The following ADCY2 variants were observed in gnomAD, a reference collection of about 807,000 sequenced individuals.
ADCY2 encodes adenylate cyclase 2.
ADCY2 carries 31 observed loss-of-function variants against 125.2 expected under a neutral mutation model. That is an observed-to-expected ratio of 0.25 (90% CI 0.19 to 0.33). The LOEUF is 0.33. ADCY2 is among the 10% of genes least tolerant of loss of function. The probability of loss-of-function intolerance (pLI) is 1.00; values close to 1 mark genes in which losing one functional copy is unlikely to be tolerated. For missense variants in ADCY2, 904 were observed against 1,418.2 expected, an observed-to-expected ratio of 0.64 and a Z score of 5.82; for synonymous variants, 512 against 548.4, an observed-to-expected ratio of 0.93 and a Z score of 0.93.
chr5:7,583,456 C>A (rs930040607), intron 3 of ADCY2, among the ~76,000 whole-genome samples: 5 of 151,864 alleles, frequency 3.3e-5, no homozygotes, highest in Admixed American at 2.0e-4. Context: ...TACAGTGGTC[C>A]TAGCATAAGG....
At chr5:7,520,952 G>T (rs1032351345) in intron 3 of ADCY2, 53 bp downstream of exon 3, 2 of 1,602,508 alleles carry the variant, frequency 1.2e-6, no homozygotes, top group East Asian at 2.2e-5. Context: ...CCACCAGGGG[G>T]TGAGGCAGGT....
intron 24 of ADCY2, 47 bp from the exon 25 acceptor site, chr5:7,826,672 T>A (rs745821578): frequency 6.2e-7 from 1 of 1,613,696 alleles, no homozygotes; most frequent in Non-Finnish European, 8.5e-7. Context: ...ATGGGTTGTA[T>A]CAATGTATGT....
At chr5:7,504,257 C>T (rs1320730227) in intron 2 of ADCY2, among the ~76,000 whole-genome samples, 3 of 152,046 alleles carry the variant, frequency 2.0e-5, no homozygotes, top group African/African-American at 7.2e-5. Context: ...CCCTTATGAA[C>T]CAGAAAAAGA....
chr5:7,643,334 C>G (rs1258679163), intron 4 of ADCY2, among the ~76,000 whole-genome samples: 1 of 152,014 alleles, frequency 6.6e-6, no homozygotes, highest in Non-Finnish European at 1.5e-5. Context: ...GTACATTTAT[C>G]TTGTATCCAG....
intron 16 of ADCY2, among the ~76,000 whole-genome samples, chr5:7,764,188 A>C (rs1743316037): frequency 6.6e-6 from 1 of 152,228 alleles, no homozygotes; most frequent in Non-Finnish European, 1.5e-5. Context: ...CACCTCAATC[A>C]AAAGTGGAGA....
chr5:7,744,798 TA>T (rs1441923207), intron 15 of ADCY2, among the ~76,000 whole-genome samples: 3 of 152,252 alleles, frequency 2.0e-5, no homozygotes, highest in African/African-American at 7.2e-5. Flanking sequence ...TAACCTATTA[TA>T]AAAAATAAAT....
rs189514399 is a variant in ADCY2, at chr5:7,781,063, A to G, written c.2385-3302A>G. On this transcript the variant is annotated intron_variant, in intron 18 of 24. Coordinates refer to ENST00000338316, the MANE Select transcript of ADCY2 (RefSeq NM_020546.3). ...TACCATTGTCGTTGTGTTGGAAATC[A>G]TGTAGTTAGAAACTTTCTGTTATAT... 2.2e-3 allele frequency among the ~76,000 whole-genome samples: 336 copies of G among 152,328 alleles called. 2 individuals carry two copies. The highest frequency in any genetic ancestry group is 7.5e-3 in the African/African-American group (311 of 41,574).
chr5:7,500,709 A>T (rs1009221020), intron 2 of ADCY2, among the ~76,000 whole-genome samples: 5 of 152,220 alleles, frequency 3.3e-5, no homozygotes, highest in African/African-American at 1.2e-4. Context: ...CAGGAGGATG[A>T]TCCGGAAACA....
At chr5:7,474,493 C>A (rs2126461680) in intron 2 of ADCY2, among the ~76,000 whole-genome samples, 1 of 152,278 alleles carries the variant, frequency 6.6e-6, no homozygotes, top group African/African-American at 2.4e-5. Flanking sequence ...GTGCAGAAAT[C>A]TGAAGGCTGA....
At chr5:7,614,731 G>A (rs1004429377) in intron 3 of ADCY2, among the ~76,000 whole-genome samples, 2 of 152,180 alleles carry the variant, frequency 1.3e-5, no homozygotes, top group Admixed American at 6.5e-5. Context: ...GGACTGCAGG[G>A]CAAGAGGAGA....
chr5:7,423,419 G>A (rs1740281422), intron 2 of ADCY2, among the ~76,000 whole-genome samples: 1 of 152,174 alleles, frequency 6.6e-6, no homozygotes, highest in Non-Finnish European at 1.5e-5. Flanking sequence ...GAGGGACCTG[G>A]TGGGAGGTAA....
chr5:7,600,045 G>T (rs1372621250), intron 3 of ADCY2, among the ~76,000 whole-genome samples: 1 of 152,308 alleles, frequency 6.6e-6, no homozygotes, highest in South Asian at 2.1e-4. Flanking sequence ...GTTGAAAGCA[G>T]GTTCCTGTGC....
At position 7,802,232 on chromosome 5, in the gene ADCY2, G is replaced by C; in HGVS notation, c.2643G>C (p.Gln881His). Residue 881 changes from glutamine (Q) to histidine (H), a missense_variant, in exon 21 of 25, where the codon CAG becomes CAC. Coordinates refer to ENST00000338316, the MANE Select transcript of ADCY2 (RefSeq NM_020546.3). This position sits in a 1 kb window ranked among gnomAD's most constrained non-coding sequence, Gnocchi z 4.6. Reference protein sequence around the residue: ...RSLKNEELYHQSYDCVCVMFA... With the variant: ...RSLKNEELYHHSYDCVCVMFA... ...CTCCCAAGCAGGAGCTATACCACCA[G>C]TCCTATGACTGCGTCTGCGTCATGT... 6.2e-7 allele frequency: 1 copy of C among 1,613,814 alleles called. No homozygotes were observed.
chr5:7,744,134 C>A (rs537289327), intron 15 of ADCY2, among the ~76,000 whole-genome samples: 2 of 152,216 alleles, frequency 1.3e-5, no homozygotes. Context: ...GAAAACCAAA[C>A]ACTGCCTGTC....
chr5:7,589,777 T>C (rs1020033781), intron 3 of ADCY2, among the ~76,000 whole-genome samples: 1 of 152,170 alleles, frequency 6.6e-6, no homozygotes, highest in Non-Finnish European at 1.5e-5. Context: ...GGGTAACCAA[T>C]GATACAGCAC....
intron 19 of ADCY2, among the ~76,000 whole-genome samples, chr5:7,788,252 T>C (rs1000359091): frequency 6.6e-6 from 1 of 152,188 alleles, no homozygotes; most frequent in Non-Finnish European, 1.5e-5. Flanking sequence ...CAATCTCTGC[T>C]CCCTGCAACC....
chr5:7,710,020 G>C (rs545469884), intron 10 of ADCY2, among the ~76,000 whole-genome samples: 1 of 152,270 alleles, frequency 6.6e-6, no homozygotes, highest in African/African-American at 2.4e-5. Flanking sequence ...AACTATCTGG[G>C]GGTAAAATTT....
At position 7,579,336 on chromosome 5, in the gene ADCY2, T is replaced by G. The variant is rs117511243; in HGVS notation, c.571-46831T>G. Among the ~76,000 whole-genome samples, 38 of 152,336 alleles carry G rather than the reference T, an allele frequency of 2.5e-4. No homozygotes were observed. In the East Asian group the frequency reaches 7.1e-3, roughly 29 times the overall value. ...TGGATAAAATTTTAAAAAGGAAATC[T>G]ATGTTTTCCCTGGATTATACTACTG... On this transcript the variant is annotated intron_variant, in intron 3 of 24. Transcript: ENST00000338316.
rs551234995 is a variant in ADCY2 at position 7,658,156 on chromosome 5, C to G, written c.720+31840C>G. ...ATGGAGATCTTCAGTTGTACCCAAC[C>G]AATGCACTGCACTGATGGACTGTTT... On this transcript the variant is annotated intron_variant, in intron 4 of 24. Transcript: ENST00000338316. The G allele has an allele frequency of 3.9e-5, 6 of 152,310 alleles. No homozygotes were observed. In the South Asian group the frequency reaches 1.0e-3, roughly 26 times the overall value. 9.4% of individuals were successfully genotyped at this position (152,310 alleles called of 1,614,324 possible). A position where few individuals can be genotyped will look rare whatever the true frequency, so the allele number is the denominator to read the frequency against.
Sources: allele counts gnomAD v4.1 joint callset (sites outside exome capture counted in the v4.1 genomes callset), GRCh38; gene constraint gnomAD v4.1.1; non-coding constraint Gnocchi (gnomAD v3.1); transcripts MANE v1.5; gene names NCBI Gene and HGNC (gene_info 2026-07-23, HGNC 2026-07-21).